The following VMP1 variants were observed in gnomAD, a reference collection of about 807,000 sequenced individuals.
The protein encoded by VMP1 is vacuole membrane protein 1.
VMP1 carries 11 observed loss-of-function variants against 56.0 expected under a neutral mutation model. The observed-to-expected ratio is 0.20, with a 90% CI of 0.12 to 0.32. The LOEUF (loss-of-function observed/expected upper bound fraction) is 0.32, where lower values mean the gene tolerates loss of function less well. Among genes scored for constraint, VMP1 ranks in the 10% least tolerant of loss-of-function variants. VMP1 has a pLI of 1.00. For missense variants in VMP1, 296 were observed against 490.3 expected (o/e 0.60, Z 3.74); for synonymous variants, 149 against 165.0 (o/e 0.90, Z 0.74).
At chr17:59,767,123 G>GTTT (rs908169495) in intron 6 of VMP1, among the ~76,000 whole-genome samples, 16 of 143,020 alleles carry the variant, frequency 1.1e-4, no homozygotes, top group Admixed American at 7.7e-4. Flanking sequence ...ACCATTTGAG[G>GTTT]TTTTTTTTTT....
intron 7 of VMP1, among the ~76,000 whole-genome samples, chr17:59,780,110 G>T (rs939547612): frequency 1.3e-5 from 2 of 152,146 alleles, no homozygotes; most frequent in East Asian, 3.8e-4. Context: ...GTGGAAACCA[G>T]AATGCACACA....
At chr17:59,826,804 G>A (rs2038658925) in intron 10 of VMP1, among the ~76,000 whole-genome samples, 1 of 152,194 alleles carries the variant, frequency 6.6e-6, no homozygotes, top group Non-Finnish European at 1.5e-5. Flanking sequence ...ACTCCAAGAT[G>A]TTTTGAGGCA....
rs2144023671 is a variant in VMP1 at position 59,771,560 on chromosome 17, C to T, written c.583-2194C>T. Among the ~76,000 whole-genome samples the T allele has an allele frequency of 1.3e-5, 2 of 150,774 alleles. 1 individual carries two copies. The highest frequency in any genetic ancestry group is 4.2e-4 in the South Asian group (2 of 4,762). On this transcript the variant is annotated intron_variant, in intron 6 of 11. Transcript: ENST00000262291. ...TTAAAATAATAAGTTGGTTCTCTAGCATCCTCCAAAGTTGGCCAACATTAC... is the reference window on the plus strand; with the variant it reads ...TTAAAATAATAAGTTGGTTCTCTAGTATCCTCCAAAGTTGGCCAACATTAC...
chr17:59,757,893 G>T (rs1488512924), intron 5 of VMP1, among the ~76,000 whole-genome samples: 1 of 105,994 alleles, frequency 9.4e-6, no homozygotes, highest in Non-Finnish European at 1.8e-5. Flanking sequence ...TTAAGACAGG[G>T]TCTCATTCTG....
chr17:59,742,669 CTGGCCTGT>C (rs2035270932), intron 5 of VMP1, among the ~76,000 whole-genome samples: 1 of 152,002 alleles, frequency 6.6e-6, no homozygotes, highest in Non-Finnish European at 1.5e-5. Context: ...GTACTGGTCC[CTGGCCTGT>C]TAGGAACCAG....
At chr17:59,780,779 G>A (rs140601677) in intron 7 of VMP1, among the ~76,000 whole-genome samples, 1,593 of 152,116 alleles carry the variant, frequency 0.01, 12 homozygotes, top group South Asian at 0.023. Flanking sequence ...GTAGAGATGG[G>A]ATTTCACCAT....
At chr17:59,773,988 TAAA>T (rs199776106) in intron 7 of VMP1, 103 bp downstream of exon 7, 3,696 of 821,304 alleles carry the variant, frequency 4.5e-3, no homozygotes, top group East Asian at 6.7e-3. Context: ...ACTGCTAAAG[TAAA>T]AAAAAAAAAA....
intron 7 of VMP1, among the ~76,000 whole-genome samples, chr17:59,796,648 T>G (rs941214096): frequency 3.3e-5 from 5 of 152,240 alleles, no homozygotes; most frequent in Non-Finnish European, 5.9e-5. Context: ...CAAAATGTTA[T>G]AAGTTGTTTT....
chr17:59,808,142 A>G (rs1409735149), intron 7 of VMP1, among the ~76,000 whole-genome samples: 1 of 152,204 alleles, frequency 6.6e-6, no homozygotes, highest in East Asian at 1.9e-4. Context: ...CAGTCTGAAT[A>G]TTGAATCATG....
intron 7 of VMP1, among the ~76,000 whole-genome samples, chr17:59,778,679 G>C (rs2036716296): frequency 6.6e-6 from 1 of 152,190 alleles, no homozygotes; most frequent in South Asian, 2.1e-4. Context: ...GAACCTCCAT[G>C]TATCAGTGTC....
chr17:59,735,247 G>T, intron 2 of VMP1, 91 bp from the exon 3 acceptor site: 1 of 1,472,820 alleles, frequency 6.8e-7, no homozygotes, highest in Non-Finnish European at 9.1e-7. Context: ...TTGTTATTTG[G>T]GAGATAAAAC....
At chr17:59,807,554 C>T (rs1167939829) in intron 7 of VMP1, among the ~76,000 whole-genome samples, 1 of 151,700 alleles carries the variant, frequency 6.6e-6, no homozygotes, top group Non-Finnish European at 1.5e-5. Flanking sequence ...AACTAAAGGC[C>T]GGGTGTAGTG....
At chr17:59,778,283 G>A (rs2144057194) in intron 7 of VMP1, among the ~76,000 whole-genome samples, 1 of 152,222 alleles carries the variant, frequency 6.6e-6, no homozygotes, top group Non-Finnish European at 1.5e-5. Flanking sequence ...GGCTCAGCCT[G>A]TAATCCCAGC....
intron 7 of VMP1, among the ~76,000 whole-genome samples, chr17:59,806,961 T>A (rs1051714188): frequency 6.6e-6 from 1 of 152,060 alleles, no homozygotes; most frequent in African/African-American, 2.4e-5. Context: ...TTTCTCATCA[T>A]CTTCAACAAG....
At chr17:59,817,218 G>T (rs1481792462) in intron 9 of VMP1, among the ~76,000 whole-genome samples, 2 of 139,560 alleles carry the variant, frequency 1.4e-5, no homozygotes, top group Non-Finnish European at 3.0e-5. Flanking sequence ...AGGTTGCGGT[G>T]AGTTGAGATC....
intron 1 of VMP1, among the ~76,000 whole-genome samples, chr17:59,727,367 C>T (rs1043808741): frequency 2.6e-5 from 4 of 152,130 alleles, no homozygotes; most frequent in Non-Finnish European, 4.4e-5. Flanking sequence ...ATCTCCTGAC[C>T]TCGTGATCTG....
intron 2 of VMP1, among the ~76,000 whole-genome samples, chr17:59,734,305 T>C (rs554210926): frequency 6.6e-6 from 1 of 152,268 alleles, no homozygotes; most frequent in South Asian, 2.1e-4. Flanking sequence ...GAAAAAACAC[T>C]GTGTTGTTCT....
chr17:59,708,032 G>C (rs1180259831), intron 1 of VMP1: 3 of 152,230 alleles, frequency 2.0e-5, no homozygotes, highest in African/African-American at 7.2e-5. Context: ...GCCTTGCTAG[G>C]CTTCTTTAGA....
chr17:59,840,055 T>C lies in VMP1; in HGVS notation c.*144T>C. ...TTCCTGAAAGCAGTTTAGTCCATAC[T>C]TTGCACTGACATACTTTTTCCTTCT... On this transcript the variant is annotated 3_prime_UTR_variant, in exon 12 of 12. Transcript: ENST00000262291. 2 of 1,016,386 alleles carry C rather than the reference T, an allele frequency of 2.0e-6. No homozygotes were observed. The allele number at this position is 1,016,386 out of a possible 1,614,324, so 63.0% of individuals were successfully genotyped here.
Sources: allele counts gnomAD v4.1 joint callset (sites outside exome capture counted in the v4.1 genomes callset), GRCh38; gene constraint gnomAD v4.1.1; transcripts MANE v1.5; gene names NCBI Gene and HGNC (gene_info 2026-07-23, HGNC 2026-07-21).